ERMARD: variants seen among roughly 807,000 people sequenced by gnomAD.
The protein encoded by ERMARD is endoplasmic reticulum membrane-associated RNA degradation protein.
ERMARD carries 71 observed loss-of-function variants against 83.9 expected under a neutral mutation model. The observed-to-expected ratio is 0.85, with a 90% CI of 0.70 to 1.03. The LOEUF (loss-of-function observed/expected upper bound fraction) is 1.03, where lower values mean the gene tolerates loss of function less well. Among genes scored for constraint, ERMARD ranks in the 50% least tolerant of loss-of-function variants. The pLI is 0.00. For missense variants in ERMARD, 838 were observed against 810.9 expected (o/e 1.03, Z -0.41); for synonymous variants, 284 against 298.6 (o/e 0.95, Z 0.50).
intron 9 of ERMARD, among the ~76,000 whole-genome samples, chr6:169,763,560 G>A (rs1465296609): frequency 6.6e-6 from 1 of 152,240 alleles, no homozygotes; most frequent in African/African-American, 2.4e-5. Context: ...CCCACGGGAC[G>A]ATCTGTTGTG....
intron 10 of ERMARD, 120 bp downstream of exon 10, chr6:169,766,787 C>A: frequency 8.8e-7 from 1 of 1,136,946 alleles, no homozygotes; most frequent in South Asian, 2.1e-5. Context: ...GGAAAATGTC[C>A]ATAGTAATAT....
At chr6:169,769,487 G>GTC in intron 11 of ERMARD, 53 bp from the exon 12 acceptor site, 2 of 1,501,568 alleles carry the variant, frequency 1.3e-6, no homozygotes, top group Non-Finnish European at 1.8e-6. Flanking sequence ...CACCAGGCAC[G>GTC]TCTCTCTGCT....
intron 12 of ERMARD, chr6:169,770,524 A>G (rs1355207052): frequency 6.6e-6 from 1 of 152,248 alleles, no homozygotes; most frequent in Non-Finnish European, 1.5e-5. Flanking sequence ...TTATGCTGAA[A>G]TGAACATCTT....
At chr6:169,775,070 C>T (rs1345119498) in intron 13 of ERMARD, among the ~76,000 whole-genome samples, 200 bp from the exon 14 acceptor site, 1 of 152,212 alleles carries the variant, frequency 6.6e-6, no homozygotes, top group Non-Finnish European at 1.5e-5. Context: ...CGTTCACTCC[C>T]TTCCAATCCA....
Position 169,768,178 on chromosome 6 carries a change from A to G in ERMARD, c.1059+7A>G, listed in dbSNP as rs766835745. ...CCTTGGAGAGCCTGCTATGGTAAGT[A>G]TTAGGTATTTTCCAGGCTAATATTC... On this transcript the variant is annotated splice_region_variant and intron_variant, in intron 11 of 17. Transcript: ENST00000366773. The G allele has an allele frequency of 3.1e-6, 5 of 1,611,996 alleles. No homozygotes were observed. Among genetic ancestry groups the G allele is most frequent in the Admixed American group, 1.7e-5 (1 of 59,976 alleles).
intron 2 of ERMARD, 119 bp from the exon 3 acceptor site, chr6:169,755,164 C>T: frequency 2.6e-6 from 3 of 1,159,290 alleles, no homozygotes; most frequent in Non-Finnish European, 3.7e-6. Flanking sequence ...CAATGGTAAG[C>T]TAATTGTTGA....
chr6:169,755,876 T>C lies in ERMARD; in HGVS notation c.315+454T>C, dbSNP rs147660231. 2.0e-3 allele frequency among the ~76,000 whole-genome samples: 303 copies of C among 152,312 alleles called. 2 individuals are homozygous for C. The highest frequency in any genetic ancestry group is 6.9e-3 in the African/African-American group (285 of 41,566). On this transcript the variant is annotated intron_variant, in intron 3 of 17. Transcript: ENST00000366773. ...TTTCATTTGTTTTTTTGGTCAGTTTTTCTTCATTTTATTTGGCACACTAAA... is the reference window on the plus strand; with the variant it reads ...TTTCATTTGTTTTTTTGGTCAGTTTCTCTTCATTTTATTTGGCACACTAAA...
chr6:169,755,096 A>G (rs753615735), intron 2 of ERMARD, among the ~76,000 whole-genome samples, 187 bp from the exon 3 acceptor site: 4 of 152,182 alleles, frequency 2.6e-5, no homozygotes, highest in Non-Finnish European at 2.9e-5. Flanking sequence ...TTTTTCTTTC[A>G]TAACCTGATA....
intron 12 of ERMARD, chr6:169,771,077 C>CTTTTTTT (rs60995171): frequency 2.1e-5 from 3 of 141,258 alleles, no homozygotes; most frequent in Admixed American, 7.0e-5. Context: ...TCTTTTCTTT[C>CTTTTTTT]TTTTTTTTTT....
intron 13 of ERMARD, among the ~76,000 whole-genome samples, chr6:169,773,891 A>G (rs1033801175): frequency 5.3e-5 from 8 of 152,250 alleles, no homozygotes; most frequent in African/African-American, 1.9e-4. Context: ...ATACAAGGGT[A>G]GTGCAAGGGG....
In ERMARD at chr6:169,768,153, C is replaced by T. The variant is rs768243938; in HGVS notation, c.1041C>T (p.Phe347=). Reference sequence around the variant, plus strand: ...GTAAAATCAATCAGCTTCCTCTTTTCCTTGGAGAGCCTGCTATGGTAAGTA... The same window carrying T: ...GTAAAATCAATCAGCTTCCTCTTTTTCTTGGAGAGCCTGCTATGGTAAGTA... The part of the protein sequence containing the change: ...NDGKINQLPL[F]LGEPAMEFLW... Residue 347 remains phenylalanine, a synonymous_variant, in exon 11 of 18, where the codon TTC becomes TTT. Coordinates refer to ENST00000366773, the MANE Select transcript of ERMARD (RefSeq NM_018341.3). 2.5e-6 allele frequency: 4 copies of T among 1,614,036 alleles called. No individual in the cohort carries two copies. Among genetic ancestry groups the T allele is most frequent in the Admixed American group, 1.7e-5 (1 of 60,018 alleles).
intron 15 of ERMARD, 129 bp from the exon 16 acceptor site, chr6:169,776,326 C>G: frequency 6.4e-7 from 1 of 1,552,434 alleles, no homozygotes; most frequent in East Asian, 2.4e-5. Context: ...TCACGGTTGT[C>G]CCTGCAGACC....
chr6:169,756,630 A>G, intron 4 of ERMARD, 89 bp from the exon 5 acceptor site: 2 of 1,202,878 alleles, frequency 1.7e-6, no homozygotes, highest in Admixed American at 3.7e-5. Context: ...TTCACCCTTC[A>G]TTTGTACAAA....
chr6:169,772,153 G>A lies in ERMARD; in HGVS notation c.1234-1166G>A, dbSNP rs375625366. On this transcript the variant is annotated intron_variant, in intron 12 of 17. Transcript: ENST00000366773. ...GACTGGTCTGCCCACCGACTTCTGCGAGCCCTTCACCTTGTCGTAACACAG... is the reference window on the plus strand; with the variant it reads ...GACTGGTCTGCCCACCGACTTCTGCAAGCCCTTCACCTTGTCGTAACACAG... 4 of 152,452 alleles carry A rather than the reference G, an allele frequency of 2.6e-5. No homozygotes were observed. In the East Asian group the frequency reaches 5.8e-4, roughly 22 times the overall value. The allele number at this position is 152,452 out of a possible 1,614,324, so 9.4% of individuals were successfully genotyped here.
At chr6:169,770,154 T>C (rs775817093) in intron 12 of ERMARD, among the ~76,000 whole-genome samples, 4 of 152,212 alleles carry the variant, frequency 2.6e-5, no homozygotes, top group African/African-American at 4.8e-5. Context: ...AGATTATACA[T>C]GTGACAGTTA....
chr6:169,752,853 A>T (rs1344985663), intron 1 of ERMARD, among the ~76,000 whole-genome samples: 2 of 152,242 alleles, frequency 1.3e-5, no homozygotes, highest in African/African-American at 4.8e-5. Flanking sequence ...TACTTTTTAC[A>T]TGGCAGGGAA....
chr6:169,766,617 C>T (rs1792244683), intron 9 of ERMARD, 21 bp from the exon 10 acceptor site: 1 of 1,561,392 alleles, frequency 6.4e-7, no homozygotes, highest in Non-Finnish European at 8.6e-7. Context: ...TGTTTATTTT[C>T]ATTTCTTTCC....
At position 169,773,359 on chromosome 6, in the gene ERMARD, G is replaced by T. The variant is rs372521889; in HGVS notation, c.1274G>T (p.Gly425Val). 7.9e-5 allele frequency: 128 copies of T among 1,614,150 alleles called. 1 individual carries two copies. The highest frequency in any genetic ancestry group is 6.3e-4 in the South Asian group (57 of 91,064). Reference protein sequence around the residue: ...AVELLISLAEGYSSRCHPVFQ... With the variant: ...AVELLISLAEVYSSRCHPVFQ... ...GAATTGTTGATTAGTCTTGCAGAAG[G>T]CTATAGTTCTCGCTGTCATCCGGTT... Residue 425 changes from glycine (G) to valine (V), a missense_variant, in exon 13 of 18, where the codon GGC becomes GTC. Transcript: ENST00000366773.
chr6:169,766,904 G>T (rs1041183147), intron 10 of ERMARD: 2 of 419,858 alleles, frequency 4.8e-6, no homozygotes, highest in Non-Finnish European at 8.5e-6. Flanking sequence ...AATACCAAGG[G>T]ATCTAACATG....
Sources: gnomAD v4.1 joint callset for allele counts (sites outside exome capture counted in the v4.1 genomes callset) on GRCh38, gnomAD v4.1.1 for gene constraint, MANE v1.5 for transcripts, NCBI Gene and HGNC (gene_info 2026-07-23, HGNC 2026-07-21) for gene names.